Variants in SLC75A1 observed in about 807,000 individuals in gnomAD.
SLC75A1 encodes solute carrier family 75 member 1, also known as major facilitator superfamily domain containing 10.
At chr4:2,933,337 G>A in the SLC75A1 span, 2 of 1,035,094 alleles carry the variant, frequency 1.9e-6, no homozygotes, top group Non-Finnish European at 1.4e-6. Context: ...CACAGGCCAT[G>A]GCCCTTGAGC....
the SLC75A1 span, chr4:2,933,338 G>A: frequency 2.9e-6 from 3 of 1,018,500 alleles, no homozygotes; most frequent in Admixed American, 7.0e-5. Flanking sequence ...ACAGGCCATG[G>A]CCCTTGAGCC....
the SLC75A1 span, chr4:2,931,283 A>C: frequency 1.3e-6 from 2 of 1,552,616 alleles, no homozygotes; most frequent in Non-Finnish European, 1.7e-6. Flanking sequence ...GGCTGGTGGG[A>C]GACATCGAGG....
chr4:2,933,987 C>A, the SLC75A1 span: 1 of 1,493,664 alleles, frequency 6.7e-7, no homozygotes, highest in Non-Finnish European at 9.0e-7. Context: ...GAAGCCGAGT[C>A]CTCCGGGGCC....
chr4:2,931,222 C>T, the SLC75A1 span: 1 of 1,563,302 alleles, frequency 6.4e-7, no homozygotes, highest in Non-Finnish European at 8.7e-7. Context: ...GGGAAGGGGG[C>T]TCACCATAGC....
At chr4:2,933,228 C>T in the SLC75A1 span, 1 of 1,607,758 alleles carries the variant, frequency 6.2e-7, no homozygotes, top group Admixed American at 1.7e-5. Context: ...CAGATGTCAC[C>T]ATCATGGGGC....
At chr4:2,931,280 G>C in the SLC75A1 span, 3 of 1,553,116 alleles carry the variant, frequency 1.9e-6, no homozygotes, top group South Asian at 2.4e-5. Context: ...GGCGGCTGGT[G>C]GGAGACATCG....
At chr4:2,932,995 C>T in the SLC75A1 span, 3 of 1,131,636 alleles carry the variant, frequency 2.7e-6, no homozygotes, top group Non-Finnish European at 2.5e-6. Context: ...TGAGGGCCAA[C>T]CAGTGGCCAT....
At chr4:2,932,974 C>T in the SLC75A1 span, 7 of 1,044,386 alleles carry the variant, frequency 6.7e-6, no homozygotes, top group Non-Finnish European at 9.6e-6. Context: ...AGAACCCCCT[C>T]CAGGATGCGA....
the SLC75A1 span, chr4:2,931,645 C>T: frequency 2.5e-6 from 4 of 1,613,624 alleles, no homozygotes; most frequent in Non-Finnish European, 3.4e-6. Context: ...TGAGGAAAAA[C>T]ATCTTCCCCT....
the SLC75A1 span, chr4:2,932,015 G>A: frequency 1.2e-6 from 2 of 1,607,380 alleles, no homozygotes; most frequent in Non-Finnish European, 1.7e-6. Context: ...GGGAGAGCAG[G>A]CTCCACGCTT....
the SLC75A1 span, chr4:2,932,137 A>G: frequency 6.2e-7 from 1 of 1,606,606 alleles, no homozygotes; most frequent in South Asian, 1.1e-5. Context: ...ACGGAACCCC[A>G]GGGCGATAGA....
the SLC75A1 span, chr4:2,933,974 G>T: frequency 6.6e-7 from 1 of 1,522,734 alleles, no homozygotes; most frequent in Non-Finnish European, 8.8e-7. Context: ...TCGGGTTAGC[G>T]GGGAAGCCGA....
chr4:2,931,409 G>A, the SLC75A1 span: 9 of 1,552,186 alleles, frequency 5.8e-6, no homozygotes, highest in South Asian at 4.7e-5. Context: ...GGCCCAGCAC[G>A]GGCAGAGAAC....
chr4:2,931,196 A>C, the SLC75A1 span: 1 of 1,559,146 alleles, frequency 6.4e-7, no homozygotes, highest in East Asian at 2.4e-5. Flanking sequence ...TCTCCCGCTC[A>C]GGTGGCTTCG....
At chr4:2,931,280 G>A in the SLC75A1 span, 21 of 1,552,998 alleles carry the variant, frequency 1.4e-5, no homozygotes, top group Non-Finnish European at 1.7e-5. Context: ...GGCGGCTGGT[G>A]GGAGACATCG....
the SLC75A1 span, chr4:2,931,884 C>T: frequency 1.2e-6 from 2 of 1,611,354 alleles, no homozygotes; most frequent in South Asian, 1.1e-5. Context: ...GGCCCGAGAA[C>T]AGGAAGAGGT....
chr4:2,934,411 G>C, the SLC75A1 span: 1 of 160,738 alleles, frequency 6.2e-6, no homozygotes, highest in Non-Finnish European at 1.4e-5. Flanking sequence ...GGACGCAGGA[G>C]CACCCCCAAC....
the SLC75A1 span, chr4:2,932,496 G>A: frequency 4.3e-6 from 7 of 1,613,544 alleles, no homozygotes; most frequent in Non-Finnish European, 5.9e-6. Flanking sequence ...CAGTGAGAAG[G>A]CCACCCCAAT....
chr4:2,933,993 G>C, the SLC75A1 span: 7 of 1,483,474 alleles, frequency 4.7e-6, no homozygotes, highest in Non-Finnish European at 6.3e-6. Context: ...GAGTCCTCCG[G>C]GGCCTGGCAT....
Sources: gnomAD v4.1 joint callset for allele counts on GRCh38, gnomAD v4.1.1 for gene constraint, MANE v1.5 for transcripts, NCBI Gene and HGNC (gene_info 2026-07-23, HGNC 2026-07-21) for gene names.